TMEM255B: variants seen among roughly 807,000 people sequenced by gnomAD.
The protein encoded by TMEM255B is family with sequence similarity 70, member B.
TMEM255B carries 35 observed loss-of-function variants against 34.5 expected under a neutral mutation model. That is an observed-to-expected ratio of 1.01 (90% confidence interval 0.77 to 1.34). The LOEUF is 1.34. Among genes scored for constraint, TMEM255B ranks in the 40% most tolerant of loss-of-function variants. The probability of loss-of-function intolerance (pLI) is 0.00; values close to 1 mark genes in which losing one functional copy is unlikely to be tolerated. For synonymous variants in TMEM255B, 206 were observed against 201.2 expected, an observed-to-expected ratio of 1.02 and a Z score of -0.20; for missense variants, 432 against 433.2, an observed-to-expected ratio of 1.00 and a Z score of 0.02.
intron 1 of TMEM255B, among the ~76,000 whole-genome samples, chr13:113,764,020 G>C (rs1441787552): frequency 6.6e-6 from 1 of 152,218 alleles, no homozygotes; most frequent in Non-Finnish European, 1.5e-5. Context: ...GGCAGGTGTC[G>C]GGTGCCTGGG....
At chr13:113,796,435 GCACACACCACACAGA>G (rs2050940498) in intron 4 of TMEM255B, among the ~76,000 whole-genome samples, 2 of 94,708 alleles carry the variant, frequency 2.1e-5, no homozygotes, top group South Asian at 7.4e-4. Context: ...ACCACACAGA[GCACACACCACACAGA>G]GTACACACCA....
At chr13:113,775,002 C>T (rs1299737470) in intron 3 of TMEM255B, among the ~76,000 whole-genome samples, 1 of 147,632 alleles carries the variant, frequency 6.8e-6, no homozygotes, top group Non-Finnish European at 1.5e-5. Context: ...ACACCACACA[C>T]TCCACACAAT....
rs545353684 is a variant in TMEM255B at position 113,794,296 on chromosome 13, C to T, written c.253-852C>T. Among the ~76,000 whole-genome samples the T allele has an allele frequency of 2.0e-5, 3 of 152,274 alleles. 1 individual carries two copies. The South Asian group carries it at 6.2e-4, about 32-fold the overall frequency. ...CGAGCACCCACGCTCGTGCCTGGTG[C>T]GCAGGACAGGTCCGAACAGACTCAG... On this transcript the variant is annotated intron_variant, in intron 3 of 8. Transcript: ENST00000375353.
In TMEM255B at chr13:113,801,649, G is replaced by T. The variant is rs561727553; in HGVS notation, c.510-4G>T. 4 of 1,599,044 alleles carry T rather than the reference G, an allele frequency of 2.5e-6. No individual in the cohort carries two copies. Among genetic ancestry groups the T allele is most frequent in the Non-Finnish European group, 3.4e-6 (4 of 1,171,190 alleles). On this transcript the variant is annotated splice_region_variant and splice_polypyrimidine_tract_variant and intron_variant, in intron 6 of 8. Coordinates refer to ENST00000375353, the MANE Select transcript of TMEM255B (RefSeq NM_182614.4). ...GGTGACGCCATGGTGCCCTCTCTGT[G>T]CAGCGCAGAGCCCTCGCCCGCCTAC...
intron 3 of TMEM255B, among the ~76,000 whole-genome samples, chr13:113,778,219 CAG>C (rs1430051651): frequency 3.3e-5 from 5 of 152,194 alleles, no homozygotes; most frequent in Non-Finnish European, 5.9e-5. Context: ...TGATTTTGGA[CAG>C]GGGTGGAGAT....
chr13:113,765,965 TG>T (rs1342887181), intron 1 of TMEM255B, 149 bp from the exon 2 acceptor site: 16 of 870,758 alleles, frequency 1.8e-5, no homozygotes, highest in African/African-American at 1.2e-4. Context: ...TAATGGAGGT[TG>T]GGGGTGGTCC....
chr13:113,800,704 G>A (rs1238421736), intron 5 of TMEM255B, 123 bp from the exon 6 acceptor site: 1 of 855,018 alleles, frequency 1.2e-6, no homozygotes, highest in East Asian at 2.7e-5. Flanking sequence ...AAAGTCGGGG[G>A]AGGCAGCTGC....
chr13:113,790,143 C>T (rs775448055), intron 3 of TMEM255B, among the ~76,000 whole-genome samples: 34,500 of 108,628 alleles, frequency 0.32, 8,110 homozygotes, highest in East Asian at 0.65. Flanking sequence ...CTGGACTGAC[C>T]GGGCACATGG....
rs2051386701 is a variant in TMEM255B, at chr13:113,814,978, TCTC to T, written c.*3078_*3080del. ...ACTGGGACAGCACAGGAGACAGGCT[TCTC>T]CTGCAGCTCAGAGGTGGGGGCCTAG... is the stretch of plus-strand genomic sequence containing the variant. On this transcript the variant is annotated 3_prime_UTR_variant, in exon 9 of 9. Transcript: ENST00000375353. 1 of 151,702 alleles carries T rather than the reference TCTC, an allele frequency of 6.6e-6. No individual in the cohort carries two copies. The highest frequency in any genetic ancestry group is 2.4e-5 in the African/African-American group (1 of 41,230). 9.4% of individuals were successfully genotyped at this position (151,702 alleles called of 1,614,324 possible).
chr13:113,801,933 C>A (rs1021429049), intron 7 of TMEM255B, 121 bp downstream of exon 7: 2 of 1,163,364 alleles, frequency 1.7e-6, no homozygotes, highest in Non-Finnish European at 2.4e-6. Flanking sequence ...GAAGCCCATG[C>A]GTCTGTCAGC....
At chr13:113,777,100 T>C (rs1371985410) in intron 3 of TMEM255B, among the ~76,000 whole-genome samples, 1 of 152,092 alleles carries the variant, frequency 6.6e-6, no homozygotes, top group Non-Finnish European at 1.5e-5. Context: ...TCCAAATATC[T>C]GCATATTTTT....
chr13:113,807,802 A>G (rs8001896), intron 8 of TMEM255B, among the ~76,000 whole-genome samples: 27 of 63,760 alleles, frequency 4.2e-4, no homozygotes, highest in East Asian at 1.6e-3. Context: ...GGTCCTCCCT[A>G]TCACAGGAGG....
intron 2 of TMEM255B, chr13:113,768,089 A>G (rs1441142974): frequency 4.7e-6 from 2 of 428,870 alleles, no homozygotes; most frequent in Non-Finnish European, 1.0e-5. Context: ...CCAGTGCATT[A>G]AACTTGACAC....
rs1207712822 is a variant in TMEM255B at position 113,790,277 on chromosome 13, C to T, written c.253-4871C>T. Reference sequence around the variant, plus strand: ...ATCCTAACACTGAACTGACCAGACACGTGGACATCCTAGCACTGAACTGAC... The same window carrying T: ...ATCCTAACACTGAACTGACCAGACATGTGGACATCCTAGCACTGAACTGAC... On this transcript the variant is annotated intron_variant, in intron 3 of 8. Transcript: ENST00000375353. Among the ~76,000 whole-genome samples the T allele has an allele frequency of 6.7e-5, 8 of 118,756 alleles. 2 individuals carry two copies. The highest frequency in any genetic ancestry group is 1.8e-4 in the Admixed American group (2 of 11,210). The allele number at this position is 118,756 out of a possible 152,430, so 77.9% of individuals were successfully genotyped here.
chr13:113,804,474 AAG>A (rs953126384), intron 7 of TMEM255B, among the ~76,000 whole-genome samples: 2 of 152,136 alleles, frequency 1.3e-5, no homozygotes, highest in African/African-American at 2.4e-5. Flanking sequence ...AAAAAAGTAA[AAG>A]AGAGCCCGAG....
chr13:113,799,275 G>A (rs2050997604), intron 4 of TMEM255B, 64 bp from the exon 5 acceptor site: 1 of 1,523,940 alleles, frequency 6.6e-7, no homozygotes, highest in Non-Finnish European at 9.0e-7. Flanking sequence ...GCCTGAAATT[G>A]CCTCTGGCCT....
In TMEM255B at chr13:113,799,405, G is replaced by A. The variant is rs571962658; in HGVS notation, c.409G>A (p.Val137Ile). The change falls in exon 5 of 9, where the codon GTC becomes ATC. Residue 137 changes from valine to isoleucine, a missense_variant. Val to Ile is a conservative substitution (Grantham distance 29). Transcript: ENST00000375353. ...YSSGVGYLYDVYQTEVTCHSL... is the reference protein window; with the variant it reads ...YSSGVGYLYDIYQTEVTCHSL... ...CAGTGGGGTGGGGTACTTGTACGAT[G>A]TCTACCAGACAGAGGTGAGCAGGAG... 5 of 1,614,188 alleles carry A rather than the reference G, an allele frequency of 3.1e-6. No individual in the cohort carries two copies. In the South Asian group the frequency reaches 5.5e-5, roughly 18 times the overall value.
In TMEM255B at chr13:113,801,815, G is replaced by A. The variant is rs752780603; in HGVS notation, c.669+3G>A. 21 of 1,599,504 alleles carry A rather than the reference G, an allele frequency of 1.3e-5. No individual in the cohort carries two copies. The African/African-American group carries it at 2.4e-4, about 18-fold the overall frequency. On this transcript the variant is annotated splice_donor_region_variant and intron_variant, in intron 7 of 8. Transcript: ENST00000375353. ...TCCTGGGGGCCTTCAAGGACATGGT[G>A]AGGCCCCTTGGTGGGACCCCCGCTG...
Position 113,800,828 on chromosome 13 carries a change from T to C in TMEM255B, c.425T>C (p.Val142Ala). Residue 142 changes from valine (V) to alanine (A), a missense_variant and splice_region_variant, in exon 6 of 9, where the codon GTC (valine) becomes GCC (alanine). Coordinates refer to ENST00000375353, the MANE Select transcript of TMEM255B (RefSeq NM_182614.4). ...GYLYDVYQTE[V>A]TCHSLDGKCQ... ...CCTGACAAGGCCTCTCTGCCCCAGG[T>C]CACCTGTCACTCCCTGGACGGCAAG... 1 of 1,604,910 alleles carries C rather than the reference T, an allele frequency of 6.2e-7. No homozygotes were observed.
Sources: allele counts gnomAD v4.1 joint callset (sites outside exome capture counted in the v4.1 genomes callset), GRCh38; gene constraint gnomAD v4.1.1; transcripts MANE v1.5; gene names NCBI Gene and HGNC (gene_info 2026-07-23, HGNC 2026-07-21).